KCNMA1: variants seen among roughly 807,000 people sequenced by gnomAD.
KCNMA1 encodes potassium calcium-activated channel subfamily M alpha 1.
A neutral mutation model predicts 140.0 loss-of-function variants in KCNMA1; 29 were observed. That is an observed-to-expected ratio of 0.21 (90% confidence interval 0.15 to 0.28). The LOEUF is 0.28. KCNMA1 is among the 10% of genes least tolerant of loss of function. The pLI is 1.00. For synonymous variants in KCNMA1, 612 were observed against 611.9 expected, an observed-to-expected ratio of 1.00 and a Z score of 0.00; for missense variants, 880 against 1,602.2, an observed-to-expected ratio of 0.55 and a Z score of 7.70.
intron 26 of KCNMA1, among the ~76,000 whole-genome samples, chr10:76,889,938 G>T (rs979217203): frequency 1.1e-4 from 16 of 152,318 alleles, no homozygotes; most frequent in Middle Eastern, 6.8e-3. Flanking sequence ...GCAAAATGGT[G>T]ATTATGTTCA....
At chr10:76,965,098 G>A (rs779293543) in intron 20 of KCNMA1, among the ~76,000 whole-genome samples, 6 of 152,144 alleles carry the variant, frequency 3.9e-5, no homozygotes, top group Non-Finnish European at 7.4e-5. Context: ...TAGCTATTTA[G>A]AGACAAAGTC....
chr10:76,943,081 A>C (rs2152861780), intron 23 of KCNMA1, among the ~76,000 whole-genome samples: 1 of 152,322 alleles, frequency 6.6e-6, no homozygotes, highest in East Asian at 1.9e-4. Context: ...ACATATTGAA[A>C]GTCAAGGGCT....
At chr10:77,342,432 A>G (rs1319553062) in intron 2 of KCNMA1, among the ~76,000 whole-genome samples, 1 of 152,164 alleles carries the variant, frequency 6.6e-6, no homozygotes, top group Non-Finnish European at 1.5e-5. Flanking sequence ...CAAGGCCTCG[A>G]TACCATAAGA....
chr10:77,442,722 C>T lies in KCNMA1; in HGVS notation c.379-38699G>A, dbSNP rs2097434450. Among the ~76,000 whole-genome samples the T allele has an allele frequency of 2.0e-5, 3 of 152,094 alleles. No homozygotes were observed. In the South Asian group the frequency reaches 6.2e-4, roughly 32 times the overall value. On this transcript the variant is annotated intron_variant, in intron 1 of 27. Coordinates refer to ENST00000286628, the MANE Select transcript of KCNMA1 (RefSeq NM_001161352.2). ...TTTTCTCTGAGTCCAACTCCCATCA[C>T]CTATATGCATGGGACTCAGCACACA...
At chr10:77,568,578 C>T (rs1187394592) in intron 1 of KCNMA1, among the ~76,000 whole-genome samples, 2 of 151,094 alleles carry the variant, frequency 1.3e-5, no homozygotes, top group South Asian at 2.1e-4. Flanking sequence ...ACTGATGGGA[C>T]GTATCTCAAA....
intron 3 of KCNMA1, among the ~76,000 whole-genome samples, chr10:77,227,936 G>A (rs577270984): frequency 7.3e-5 from 11 of 151,226 alleles, no homozygotes; most frequent in East Asian, 5.9e-4. Context: ...GGGCCACAGC[G>A]CCTGCCAAAA....
At chr10:77,563,790 G>A (rs2067199976) in intron 1 of KCNMA1, among the ~76,000 whole-genome samples, 1 of 152,148 alleles carries the variant, frequency 6.6e-6, no homozygotes, top group South Asian at 2.1e-4. Flanking sequence ...CACAAAATGG[G>A]ACTCCATGCA....
At chr10:76,942,587 G>A (rs1238243926) in intron 23 of KCNMA1, among the ~76,000 whole-genome samples, 1 of 152,184 alleles carries the variant, frequency 6.6e-6, no homozygotes, top group Non-Finnish European at 1.5e-5. Context: ...CCGGGGAGTG[G>A]AAGAATTGTT....
intron 2 of KCNMA1, among the ~76,000 whole-genome samples, chr10:77,398,015 C>T (rs1221791533): frequency 1.3e-5 from 2 of 149,466 alleles, no homozygotes; most frequent in Admixed American, 1.3e-4. Context: ...AATATATATA[C>T]ATATATAATG....
At chr10:76,922,616 A>T (rs1172672137) in intron 23 of KCNMA1, among the ~76,000 whole-genome samples, 1 of 152,194 alleles carries the variant, frequency 6.6e-6, no homozygotes, top group Admixed American at 6.5e-5. Flanking sequence ...AGGAGTCTGC[A>T]GGTGTGGGGC....
Position 77,514,613 on chromosome 10 carries a change from G to C in KCNMA1, c.379-110590C>G, listed in dbSNP as rs2049689543. 2.0e-5 allele frequency among the ~76,000 whole-genome samples: 3 copies of C among 152,312 alleles called. No homozygotes were observed. In the South Asian group the frequency reaches 6.2e-4, roughly 32 times the overall value. ...CAAGCCAAAGGGACCCTGTATTACTGGGTATGCGGAGAGAGAACCATCTCA... is the reference window on the plus strand; with the variant it reads ...CAAGCCAAAGGGACCCTGTATTACTCGGTATGCGGAGAGAGAACCATCTCA... On this transcript the variant is annotated intron_variant, in intron 1 of 27. Coordinates refer to ENST00000286628, the MANE Select transcript of KCNMA1 (RefSeq NM_001161352.2).
intron 2 of KCNMA1, among the ~76,000 whole-genome samples, chr10:77,361,818 C>T (rs2093975519): frequency 6.6e-6 from 1 of 152,240 alleles, no homozygotes; most frequent in Admixed American, 6.5e-5. Flanking sequence ...GGGTCAAGAG[C>T]TGCCCAGGCT....
intron 25 of KCNMA1, among the ~76,000 whole-genome samples, chr10:76,908,547 G>GT: frequency 6.6e-6 from 1 of 152,318 alleles, no homozygotes; most frequent in African/African-American, 2.4e-5. Flanking sequence ...AAAGCTTTAT[G>GT]TTTTTTCTTT....
chr10:77,546,531 TC>T (rs1270342675), intron 1 of KCNMA1, among the ~76,000 whole-genome samples: 2 of 152,236 alleles, frequency 1.3e-5, no homozygotes, highest in Non-Finnish European at 2.9e-5. Flanking sequence ...GCTATCCATG[TC>T]CCAGGCCACT....
chr10:77,377,730 G>A (rs950493258), intron 2 of KCNMA1, among the ~76,000 whole-genome samples: 1 of 152,184 alleles, frequency 6.6e-6, no homozygotes, highest in Non-Finnish European at 1.5e-5. Flanking sequence ...GATATCCCTT[G>A]CTGGAGATCC....
chr10:77,159,326 A>G (rs773227507), intron 5 of KCNMA1, among the ~76,000 whole-genome samples: 56 of 152,016 alleles, frequency 3.7e-4, no homozygotes, highest in Non-Finnish European at 7.5e-4. Context: ...TTTCTTCCCT[A>G]TAGTATCGTT....
At chr10:76,921,900 G>A (rs1398998372) in intron 23 of KCNMA1, among the ~76,000 whole-genome samples, 2 of 152,124 alleles carry the variant, frequency 1.3e-5, no homozygotes, top group Non-Finnish European at 1.5e-5. Flanking sequence ...AGAATCCAGA[G>A]TCAGGAAGGC....
In KCNMA1 at chr10:77,438,338, G is replaced by A. The variant is rs190984270; in HGVS notation, c.379-34315C>T. On this transcript the variant is annotated intron_variant, in intron 1 of 27. Transcript: ENST00000286628. ...TTCCAACACTTTGGGAGGCCAAGGC[G>A]GGCAGATCACCTGAGGTCAGGAGTT... Among the ~76,000 whole-genome samples the A allele has an allele frequency of 9.9e-5, 15 of 152,204 alleles. No homozygotes were observed. The East Asian group carries it at 2.3e-3, about 24-fold the overall frequency.
At chr10:77,630,708 A>G (rs1330534764) in intron 1 of KCNMA1, among the ~76,000 whole-genome samples, 3 of 152,242 alleles carry the variant, frequency 2.0e-5, no homozygotes, top group Middle Eastern at 3.4e-3. Flanking sequence ...GCACAGCATC[A>G]GTATAGCCTG....
Sources: gnomAD v4.1 joint callset for allele counts (sites outside exome capture counted in the v4.1 genomes callset) on GRCh38, gnomAD v4.1.1 for gene constraint, MANE v1.5 for transcripts, NCBI Gene and HGNC (gene_info 2026-07-23, HGNC 2026-07-21) for gene names.